Variants in PRKN observed in about 807,000 individuals in gnomAD.
PRKN encodes E3 ubiquitin-protein ligase parkin.
A neutral mutation model predicts 59.5 loss-of-function variants in PRKN; 56 were observed. The observed-to-expected ratio is 0.94, with a 90% CI of 0.76 to 1.18. The LOEUF (loss-of-function observed/expected upper bound fraction) is 1.18. PRKN is among the 50% of genes most tolerant of loss of function. PRKN has a pLI of 0.00. For synonymous variants in PRKN, 250 were observed against 222.1 expected, an observed-to-expected ratio of 1.13 and a Z score of -1.12; for missense variants, 657 against 596.4, an observed-to-expected ratio of 1.10 and a Z score of -1.06.
intron 7 of PRKN, among the ~76,000 whole-genome samples, chr6:161,618,432 AT>A (rs1320636598): frequency 1.3e-5 from 2 of 151,504 alleles, no homozygotes; most frequent in Admixed American, 6.6e-5. Context: ...CTATGTCCAA[AT>A]TTTTTTTTGC....
chr6:162,095,888 G>C (rs985313196), intron 4 of PRKN, among the ~76,000 whole-genome samples: 5 of 152,156 alleles, frequency 3.3e-5, no homozygotes, highest in African/African-American at 1.2e-4. Context: ...GCGATACTAA[G>C]TTCAGAGTGT....
Position 161,409,263 on chromosome 6 carries a change from C to G in PRKN, c.1084-22386G>C, listed in dbSNP as rs1376546028. 6.6e-6 allele frequency among the ~76,000 whole-genome samples: 1 copy of G among 152,136 alleles called. No homozygotes were observed. Among genetic ancestry groups the G allele is most frequent in the African/African-American group, 2.4e-5 (1 of 41,406 alleles). ...CCGGCCAGGAGAACACATTTTTAAA[C>G]TCTGTGGTAATGGTTGAGAATACTC... is the stretch of plus-strand genomic sequence containing the variant. On this transcript the variant is annotated intron_variant, in intron 9 of 11. Transcript: ENST00000366898. This position sits in a 1 kb window ranked among gnomAD's most constrained non-coding sequence, Gnocchi z 4.6.
At chr6:162,485,057 A>T (rs1446187809) in intron 1 of PRKN, among the ~76,000 whole-genome samples, 1 of 152,260 alleles carries the variant, frequency 6.6e-6, no homozygotes, top group Non-Finnish European at 1.5e-5. Flanking sequence ...ATTCTATAAC[A>T]TAAAAAATAC....
Position 161,656,128 on chromosome 6 carries a change from A to G in PRKN, c.872-86712T>C, listed in dbSNP as rs188015113. On this transcript the variant is annotated intron_variant, in intron 7 of 11. Coordinates refer to ENST00000366898, the MANE Select transcript of PRKN (RefSeq NM_004562.3). The stretch of plus-strand genomic sequence containing the variant: ...TGGAGCTTGTTTTCTCCACTTCAGA[A>G]TATTAACTTGCGGGAAGATGACATT... Among the ~76,000 whole-genome samples the G allele has an allele frequency of 2.1e-4, 32 of 152,320 alleles. No individual in the cohort carries two copies. The East Asian group carries it at 6.0e-3, about 28-fold the overall frequency.
chr6:161,611,808 G>A (rs1452297772), intron 7 of PRKN, among the ~76,000 whole-genome samples: 1 of 152,194 alleles, frequency 6.6e-6, no homozygotes. Context: ...TGGTGAGGAA[G>A]GCATGTCAAG....
At chr6:161,392,328 G>T (rs954611027) in intron 9 of PRKN, among the ~76,000 whole-genome samples, 3 of 151,816 alleles carry the variant, frequency 2.0e-5, no homozygotes, top group Non-Finnish European at 4.4e-5. Context: ...AGGTTGCAGT[G>T]AGCCAAGATT....
Position 161,352,771 on chromosome 6 carries a change from A to ATAT in PRKN, c.1286-2561_1286-2560insATA, listed in dbSNP as rs34279714. Among the ~76,000 whole-genome samples the ATAT allele has an allele frequency of 8.6e-6, 1 of 116,898 alleles. No individual in the cohort carries two copies. The highest frequency in any genetic ancestry group is 2.9e-5 in the African/African-American group (1 of 34,426). The allele number at this position is 116,898 out of a possible 152,430, so 76.7% of individuals were successfully genotyped here. A position where few individuals can be genotyped will look rare whatever the true frequency, so the allele number is the denominator to read the frequency against. On this transcript the variant is annotated intron_variant, in intron 11 of 11. Coordinates refer to ENST00000366898, the MANE Select transcript of PRKN (RefSeq NM_004562.3). This position sits in a 1 kb window ranked among gnomAD's most constrained non-coding sequence, Gnocchi z 5.8. Reference sequence around the variant, plus strand: ...TGTGTGTGTGTATATATATATATATATTTTATTTTATTTTATTTTATTTTT... The same window carrying ATAT: ...TGTGTGTGTGTATATATATATATATATATTTTTATTTTATTTTATTTTATTTTT...
At chr6:161,490,868 G>A (rs1018569264) in intron 9 of PRKN, among the ~76,000 whole-genome samples, 3 of 151,908 alleles carry the variant, frequency 2.0e-5, no homozygotes, top group African/African-American at 7.3e-5. Context: ...CGTGAGATCT[G>A]GTTGTTTAAA....
intron 4 of PRKN, among the ~76,000 whole-genome samples, chr6:162,078,051 C>T (rs1294744424): frequency 6.7e-6 from 1 of 150,276 alleles, no homozygotes; most frequent in African/African-American, 2.5e-5. Flanking sequence ...TACTAGCATA[C>T]ACCTACATTT....
In PRKN at chr6:161,568,239, C is replaced by T. The variant is rs150420313; in HGVS notation, c.933+1116G>A. Among the ~76,000 whole-genome samples the T allele has an allele frequency of 3.7e-4, 57 of 152,302 alleles. No homozygotes were observed. The Middle Eastern group carries it at 0.01, about 27-fold the overall frequency. On this transcript the variant is annotated intron_variant, in intron 8 of 11. Coordinates refer to ENST00000366898, the MANE Select transcript of PRKN (RefSeq NM_004562.3). ...AAACTCATTGATGAAAGTGAGCTGC[C>T]ACATCTCCATTTGCATATTTCCTGG...
At chr6:162,338,715 TG>T (rs1337717656) in intron 2 of PRKN, among the ~76,000 whole-genome samples, 2 of 150,706 alleles carry the variant, frequency 1.3e-5, no homozygotes, top group Non-Finnish European at 3.0e-5. Context: ...GGCCGCCCAT[TG>T]TCTGGGATGT....
intron 4 of PRKN, among the ~76,000 whole-genome samples, chr6:162,082,046 C>T (rs1224255610): frequency 6.6e-6 from 1 of 152,056 alleles, no homozygotes; most frequent in Admixed American, 6.6e-5. Flanking sequence ...GAAGAGGGTA[C>T]AGGTCTTTGA....
intron 7 of PRKN, among the ~76,000 whole-genome samples, chr6:161,623,150 G>C (rs1393344255): frequency 6.6e-6 from 1 of 152,186 alleles, no homozygotes; most frequent in African/African-American, 2.4e-5. Context: ...TAACACTCGA[G>C]AGCCTATGGG....
intron 6 of PRKN, among the ~76,000 whole-genome samples, chr6:161,952,362 A>C (rs1346682634): frequency 2.0e-5 from 3 of 152,126 alleles, no homozygotes; most frequent in Non-Finnish European, 4.4e-5. Flanking sequence ...TCATGCCTGT[A>C]ATCCCAGCAC....
chr6:161,418,596 T>C (rs1199527130), intron 9 of PRKN, among the ~76,000 whole-genome samples: 1 of 152,208 alleles, frequency 6.6e-6, no homozygotes, highest in Non-Finnish European at 1.5e-5. Context: ...ACTGTTCATT[T>C]AGCACAAACC....
intron 3 of PRKN, among the ~76,000 whole-genome samples, chr6:162,216,461 C>T (rs955554622): frequency 2.6e-4 from 34 of 131,250 alleles, no homozygotes; most frequent in African/African-American, 9.5e-4. Flanking sequence ...ACCCGGGAAG[C>T]GGAGCTTGCA....
intron 3 of PRKN, among the ~76,000 whole-genome samples, chr6:162,259,260 C>A (rs1256370619): frequency 1.3e-5 from 2 of 152,174 alleles, no homozygotes; most frequent in African/African-American, 4.8e-5. Flanking sequence ...CACCGACCTG[C>A]CTCTGTTCTC....
intron 6 of PRKN, among the ~76,000 whole-genome samples, chr6:161,892,980 T>A (rs1777469089): frequency 6.6e-6 from 1 of 152,112 alleles, no homozygotes; most frequent in Non-Finnish European, 1.5e-5. Flanking sequence ...GTAGCTGGGA[T>A]AACAGGCACC....
intron 2 of PRKN, among the ~76,000 whole-genome samples, chr6:162,284,989 T>A (rs1376615728): frequency 6.6e-6 from 1 of 152,108 alleles, no homozygotes; most frequent in African/African-American, 2.4e-5. Flanking sequence ...ATGGAATCCT[T>A]TTAAGATGAG....
Sources: allele counts gnomAD v4.1 joint callset (sites outside exome capture counted in the v4.1 genomes callset), GRCh38; gene constraint gnomAD v4.1.1; non-coding constraint Gnocchi (gnomAD v3.1); transcripts MANE v1.5; gene names NCBI Gene and HGNC (gene_info 2026-07-23, HGNC 2026-07-21).